CNTN5: variants seen among roughly 807,000 people sequenced by gnomAD.
The protein encoded by CNTN5 is contactin 5.
CNTN5 carries 77 observed loss-of-function variants against 129.1 expected under a neutral mutation model. The ratio of observed to expected loss-of-function variants is 0.60; its 90% confidence interval spans 0.50 to 0.72. The LOEUF (loss-of-function observed/expected upper bound fraction) is 0.72. Ranked by LOEUF, CNTN5 falls within the 30% of genes least tolerant of loss-of-function variation. The probability of loss-of-function intolerance (pLI) is 0.00; values close to 1 mark genes in which losing one functional copy is unlikely to be tolerated. For missense variants in CNTN5, 1,478 were observed against 1,328.8 expected (o/e 1.11, Z -1.75); for synonymous variants, 509 against 465.6 (o/e 1.09, Z -1.20).
intron 9 of CNTN5, among the ~76,000 whole-genome samples, chr11:100,056,089 G>A (rs766637650): frequency 3.9e-4 from 59 of 151,502 alleles, no homozygotes; most frequent in African/African-American, 1.0e-3. Flanking sequence ...TGAGCTTTAC[G>A]TTTATGTGAT....
At chr11:99,307,978 C>T (rs1344496776) in intron 1 of CNTN5, among the ~76,000 whole-genome samples, 1 of 152,108 alleles carries the variant, frequency 6.6e-6, no homozygotes, top group Non-Finnish European at 1.5e-5. Context: ...TTCTATTTTC[C>T]CAAGACTCAA....
intron 1 of CNTN5, among the ~76,000 whole-genome samples, chr11:99,267,920 GCACACACACACACA>G (rs141288502): frequency 4.6e-4 from 65 of 140,542 alleles, no homozygotes; most frequent in African/African-American, 1.1e-3. Flanking sequence ...ACACACACAC[GCACACACACACACA>G]CACACACACA....
intron 1 of CNTN5, among the ~76,000 whole-genome samples, chr11:99,204,173 C>A (rs375712663): frequency 2.6e-5 from 4 of 152,232 alleles, no homozygotes; most frequent in Middle Eastern, 3.4e-3. Flanking sequence ...CAAAGGTAAT[C>A]GTTAATTCTC....
intron 17 of CNTN5, 32 bp downstream of exon 17, chr11:100,255,950 C>T: frequency 5.6e-6 from 9 of 1,599,830 alleles, no homozygotes; most frequent in Non-Finnish European, 7.7e-6. Context: ...TCAGATATAA[C>T]CAGAGTGGCC....
At chr11:99,709,999 G>A (rs568082228) in intron 3 of CNTN5, among the ~76,000 whole-genome samples, 1 of 152,052 alleles carries the variant, frequency 6.6e-6, no homozygotes, top group East Asian at 1.9e-4. Flanking sequence ...AGTTCATTCT[G>A]CCTGCCTTCC....
In CNTN5 at chr11:99,764,933, G is replaced by A. The variant is rs116567991; in HGVS notation, c.56-54611G>A. On this transcript the variant is annotated intron_variant, in intron 3 of 24. Coordinates refer to ENST00000524871, the MANE Select transcript of CNTN5 (RefSeq NM_014361.4). ...TAATGTACTGCTCCTATAATTTTCC[G>A]TATCTCTGTATCACATCATAAATAA... Among the ~76,000 whole-genome samples, 1,047 of 151,824 alleles carry A rather than the reference G, an allele frequency of 6.9e-3. 9 individuals are homozygous for A. The highest frequency in any genetic ancestry group is 0.024 in the African/African-American group (985 of 41,418).
intron 1 of CNTN5, among the ~76,000 whole-genome samples, chr11:99,135,274 T>C (rs938898222): frequency 6.6e-6 from 1 of 152,098 alleles, no homozygotes; most frequent in East Asian, 1.9e-4. Flanking sequence ...TAATTGATAA[T>C]TGTAATACAT....
At chr11:99,922,439 T>C (rs968796272) in intron 7 of CNTN5, among the ~76,000 whole-genome samples, 3 of 152,216 alleles carry the variant, frequency 2.0e-5, no homozygotes, top group African/African-American at 7.2e-5. Context: ...TGACATTTAT[T>C]AGCAATGACT....
chr11:99,055,197 T>C (rs1864581304), intron 1 of CNTN5, among the ~76,000 whole-genome samples: 1 of 152,006 alleles, frequency 6.6e-6, no homozygotes, highest in Non-Finnish European at 1.5e-5. Flanking sequence ...TTATGCTCTA[T>C]AGCCAGTGAA....
At chr11:100,234,265 A>C (rs184673685) in intron 16 of CNTN5, among the ~76,000 whole-genome samples, 1,991 of 152,270 alleles carry the variant, frequency 0.013, 18 homozygotes, top group Non-Finnish European at 0.02. Flanking sequence ...AACCAGAAAT[A>C]CCGTTTGACC....
At chr11:99,266,622 T>C (rs1226343746) in intron 1 of CNTN5, among the ~76,000 whole-genome samples, 2 of 151,870 alleles carry the variant, frequency 1.3e-5, no homozygotes, top group African/African-American at 4.8e-5. Context: ...AATAAATGAA[T>C]AAAGCATATG....
At chr11:99,402,193 C>T (rs1269849885) in intron 2 of CNTN5, among the ~76,000 whole-genome samples, 1 of 152,148 alleles carries the variant, frequency 6.6e-6, no homozygotes, top group Non-Finnish European at 1.5e-5. Flanking sequence ...CAGTATGATA[C>T]TAGCTGTAAA....
chr11:99,096,929 T>A (rs1417096642), intron 1 of CNTN5, among the ~76,000 whole-genome samples: 1 of 151,916 alleles, frequency 6.6e-6, no homozygotes, highest in African/African-American at 2.4e-5. Flanking sequence ...TAGTTCTCAA[T>A]TTATAAATTT....
intron 1 of CNTN5, among the ~76,000 whole-genome samples, chr11:99,259,688 T>C (rs1391256214): frequency 6.6e-6 from 1 of 151,766 alleles, no homozygotes; most frequent in Non-Finnish European, 1.5e-5. Context: ...GTGTTTTATG[T>C]GCCTGTGGAA....
At chr11:99,177,757 G>A (rs879261244) in intron 1 of CNTN5, among the ~76,000 whole-genome samples, 19 of 152,180 alleles carry the variant, frequency 1.2e-4, no homozygotes, top group Non-Finnish European at 2.5e-4. Flanking sequence ...AGTTGTCACA[G>A]TCCAGAGGCC....
intron 2 of CNTN5, among the ~76,000 whole-genome samples, chr11:99,333,647 A>G (rs1320367403): frequency 6.6e-6 from 1 of 152,036 alleles, no homozygotes; most frequent in Non-Finnish European, 1.5e-5. Context: ...AATCTCTGAG[A>G]TTTTATTTGG....
chr11:99,227,493 TGA>T (rs548780528), intron 1 of CNTN5, among the ~76,000 whole-genome samples: 164 of 152,218 alleles, frequency 1.1e-3, no homozygotes, highest in Non-Finnish European at 1.9e-3. Flanking sequence ...GAATTACTAG[TGA>T]TTTGGTAATA....
At chr11:99,411,479 T>A (rs752380457) in intron 2 of CNTN5, among the ~76,000 whole-genome samples, 5 of 152,196 alleles carry the variant, frequency 3.3e-5, no homozygotes, top group Non-Finnish European at 7.4e-5. Flanking sequence ...AAGATCATGC[T>A]ATTGTATTCC....
At chr11:100,006,235 T>C (rs1244688261) in intron 9 of CNTN5, among the ~76,000 whole-genome samples, 5 of 152,172 alleles carry the variant, frequency 3.3e-5, no homozygotes, top group African/African-American at 1.2e-4. Flanking sequence ...TTTTTGCTGA[T>C]GACTGATGCT....
Sources: gnomAD v4.1 joint callset for allele counts (sites outside exome capture counted in the v4.1 genomes callset) on GRCh38, gnomAD v4.1.1 for gene constraint, MANE v1.5 for transcripts, NCBI Gene and HGNC (gene_info 2026-07-23, HGNC 2026-07-21) for gene names.